Variants in ELAVL3 observed in about 807,000 individuals in gnomAD.
ELAVL3 encodes the protein ELAV-like protein 3.
In ELAVL3, 8 loss-of-function variants were observed where a neutral mutation model predicts 34.2. That is an observed-to-expected ratio of 0.23 (90% CI 0.14 to 0.42). The LOEUF is 0.42. Among genes scored for constraint, ELAVL3 ranks in the 10% least tolerant of loss-of-function variants. ELAVL3 has a pLI of 1.00. For synonymous variants in ELAVL3, 209 were observed against 222.1 expected (o/e 0.94, Z 0.53); for missense variants, 273 against 518.8 (o/e 0.53, Z 4.60).
At chr19:11,479,389 G>T (rs774841840) in intron 1 of ELAVL3, among the ~76,000 whole-genome samples, 3 of 152,044 alleles carry the variant, frequency 2.0e-5, no homozygotes, top group Non-Finnish European at 2.9e-5. Flanking sequence ...TGCTAGCCAC[G>T]ACTCGAAAAA....
At position 11,451,494 on chromosome 19, in the gene ELAVL3, C is replaced by CTTTTTTTTTTTTTTTTTTTT. The variant is rs950823031; in HGVS notation, c.*3012_*3031dup. ...TTTTTTTTTTTGTCTTTTGTTTTGT[C>CTTTTTTTTTTTTTTTTTTTT]TTTTTTTTTTTTTTTTTTTTTACAG... On this transcript the variant is annotated 3_prime_UTR_variant, in exon 7 of 7. Transcript: ENST00000359227. 1 of 65,532 alleles carries CTTTTTTTTTTTTTTTTTTTT rather than the reference C, an allele frequency of 1.5e-5. No individual in the cohort carries two copies. Among genetic ancestry groups the CTTTTTTTTTTTTTTTTTTTT allele is most frequent in the Non-Finnish European group, 3.0e-5 (1 of 33,100 alleles). 4.1% of individuals were successfully genotyped at this position (65,532 alleles called of 1,614,324 possible). A position where few individuals can be genotyped will look rare whatever the true frequency, so the allele number is the denominator to read the frequency against.
At chr19:11,456,164 G>T (rs1970764521) in intron 6 of ELAVL3, among the ~76,000 whole-genome samples, 1 of 151,822 alleles carries the variant, frequency 6.6e-6, no homozygotes, top group South Asian at 2.1e-4. Context: ...GGAGTGCAGT[G>T]GCACGATCTC....
At chr19:11,463,231 C>T (rs74755765) in intron 3 of ELAVL3, among the ~76,000 whole-genome samples, 2,481 of 152,282 alleles carry the variant, frequency 0.016, 64 homozygotes, top group African/African-American at 0.056. Context: ...TCCACCCACA[C>T]CCCACCCTGG....
Position 11,480,694 on chromosome 19 carries a change from G to A in ELAVL3, c.-86C>T. On this transcript the variant is annotated 5_prime_UTR_variant, in exon 1 of 7. Transcript: ENST00000359227. This position sits in a 1 kb window ranked among gnomAD's most constrained non-coding sequence, Gnocchi z 6.8. ...AGGGGGGCGCCCGATGCTCACGCTG[G>A]GGTCCCGCCCGGGCGGCCTCTGGTG... The A allele has an allele frequency of 7.8e-7, 1 of 1,289,258 alleles. No homozygotes were observed. 79.9% of individuals were successfully genotyped at this position (1,289,258 alleles called of 1,614,324 possible).
rs1418360304 is a variant in ELAVL3 at position 11,466,471 on chromosome 19, T to C, written c.229+137A>G. 3 of 1,094,882 alleles carry C rather than the reference T, an allele frequency of 2.7e-6. No homozygotes were observed. In the East Asian group the frequency reaches 7.2e-5, roughly 26 times the overall value. 67.8% of individuals were successfully genotyped at this position (1,094,882 alleles called of 1,614,324 possible). On this transcript the variant is annotated intron_variant, in intron 2 of 6. Coordinates refer to ENST00000359227, the MANE Select transcript of ELAVL3 (RefSeq NM_001420.4). This position sits in a 1 kb window ranked among gnomAD's most constrained non-coding sequence, Gnocchi z 5.0. ...CCTAGGGGGTATACCCATCTCCCCA[T>C]CAGACCTCACATCCCTAGACCACCT... is the stretch of plus-strand genomic sequence containing the variant.
chr19:11,464,171 T>A (rs928613256), intron 3 of ELAVL3, among the ~76,000 whole-genome samples: 7,035 of 116,820 alleles, frequency 0.06, 302 homozygotes, highest in African/African-American at 0.11. Context: ...ATATATATTT[T>A]TTTTTTTTTT....
Position 11,454,333 on chromosome 19 carries a change from C to T in ELAVL3, c.*193G>A, listed in dbSNP as rs1568376875. 3.5e-6 allele frequency: 2 copies of T among 577,090 alleles called. No individual in the cohort carries two copies. Among genetic ancestry groups the T allele is most frequent in the South Asian group, 2.4e-5 (1 of 41,644 alleles). 35.7% of individuals were successfully genotyped at this position (577,090 alleles called of 1,614,324 possible). ...GGATGGGGCGGGGGATCCCCGGGCACCCCCCCAATTCCCTGCAGACCCTCC... is the reference window on the plus strand; with the variant it reads ...GGATGGGGCGGGGGATCCCCGGGCATCCCCCCAATTCCCTGCAGACCCTCC... On this transcript the variant is annotated 3_prime_UTR_variant, in exon 7 of 7. Coordinates refer to ENST00000359227, the MANE Select transcript of ELAVL3 (RefSeq NM_001420.4). The surrounding 1 kb of genome is among the most constrained non-coding windows in gnomAD (Gnocchi z 9.2).
intron 1 of ELAVL3, among the ~76,000 whole-genome samples, chr19:11,468,471 A>G (rs1406240849): frequency 6.7e-6 from 1 of 148,832 alleles, no homozygotes; most frequent in Non-Finnish European, 1.5e-5. Flanking sequence ...CTGGGGTGCA[A>G]TGGCACGATC....
chr19:11,480,641 A>G lies in ELAVL3; in HGVS notation c.-33T>C. On this transcript the variant is annotated 5_prime_UTR_variant, in exon 1 of 7. Coordinates refer to ENST00000359227, the MANE Select transcript of ELAVL3 (RefSeq NM_001420.4). The surrounding 1 kb of genome is among the most constrained non-coding windows in gnomAD (Gnocchi z 6.8). ...TGCCCGGCGGGCGCGGTCCGTGTTG[A>G]GGGGGGCTCCGGGGGTGGTGCACTC... The G allele has an allele frequency of 7.0e-7, 1 of 1,423,926 alleles. No homozygotes were observed. The allele number at this position is 1,423,926 out of a possible 1,614,324, so 88.2% of individuals were successfully genotyped here.
chr19:11,477,755 T>A (rs1272403292), intron 1 of ELAVL3, among the ~76,000 whole-genome samples: 1 of 150,382 alleles, frequency 6.6e-6, no homozygotes, highest in Non-Finnish European at 1.5e-5. Flanking sequence ...TGCAATGGCA[T>A]GATCTTGGCT....
At position 11,466,194 on chromosome 19, in the gene ELAVL3, T is replaced by A. The variant is rs1391975232; in HGVS notation, c.311A>T (p.Lys104Ile). ...AACCTTGATGGTCTTCGTCTGTAAT[T>A]TGAGGCCGTTGAGGGTGTTGATGGC... is the stretch of plus-strand genomic sequence containing the variant. ...DKAINTLNGL[K>I]LQTKTIKVSY... is the part of the protein sequence containing the mutation. The change falls in exon 3 of 7, where the codon AAA (lysine) becomes ATA (isoleucine). Residue 104 changes from lysine (K) to isoleucine (I), a missense_variant. Physicochemically the swap from Lys to Ile is moderately radical, Grantham distance 102. Coordinates refer to ENST00000359227, the MANE Select transcript of ELAVL3 (RefSeq NM_001420.4). This position sits in a 1 kb window ranked among gnomAD's most constrained non-coding sequence, Gnocchi z 5.0. 1 of 1,613,668 alleles carries A rather than the reference T, an allele frequency of 6.2e-7. No individual in the cohort carries two copies. The highest frequency in any genetic ancestry group is 1.3e-5 in the African/African-American group (1 of 74,818).
intron 3 of ELAVL3, among the ~76,000 whole-genome samples, chr19:11,462,100 A>G (rs1228249880): frequency 2.7e-5 from 4 of 145,840 alleles, no homozygotes; most frequent in East Asian, 4.2e-4. Flanking sequence ...GCGTAAACCC[A>G]GGAGGCGGAG....
intron 6 of ELAVL3, among the ~76,000 whole-genome samples, chr19:11,456,133 T>C (rs1463880033): frequency 6.6e-6 from 1 of 151,812 alleles, no homozygotes; most frequent in Non-Finnish European, 1.5e-5. Context: ...TGAGACGGAA[T>C]CTCACTCTGT....
At chr19:11,470,403 C>T (rs1289402054) in intron 1 of ELAVL3, among the ~76,000 whole-genome samples, 5 of 151,114 alleles carry the variant, frequency 3.3e-5, no homozygotes, top group Admixed American at 6.6e-5. Context: ...TGGTGGCTCA[C>T]GCCCATAATC....
At position 11,467,314 on chromosome 19, in the gene ELAVL3, C is replaced by T. The variant is rs1377085300; in HGVS notation, c.10-487G>A. ...GCGCATGCCTGTAATCCCAGCTACT[C>T]GGGAGGCTGAGGCAGGAGAATTGCT... is the stretch of plus-strand genomic sequence containing the variant. On this transcript the variant is annotated intron_variant, in intron 1 of 6. Transcript: ENST00000359227. Among the ~76,000 whole-genome samples, 9 of 151,610 alleles carry T rather than the reference C, an allele frequency of 5.9e-5. No individual in the cohort carries two copies. In the East Asian group the frequency reaches 1.4e-3, roughly 23 times the overall value.
chr19:11,458,773 T>C lies in ELAVL3; in HGVS notation c.334-162A>G, dbSNP rs1476535629. On this transcript the variant is annotated intron_variant, in intron 3 of 6. Coordinates refer to ENST00000359227, the MANE Select transcript of ELAVL3 (RefSeq NM_001420.4). This position sits in a 1 kb window ranked among gnomAD's most constrained non-coding sequence, Gnocchi z 7.3. ...CACCGTGGGGTGGGGCTGAGTCAGA[T>C]ATGGGAGAGGGGACATGGCAGTGGC... 1.3e-5 allele frequency among the ~76,000 whole-genome samples: 2 copies of C among 151,886 alleles called. No individual in the cohort carries two copies. The highest frequency in any genetic ancestry group is 4.8e-5 in the African/African-American group (2 of 41,352).
At position 11,473,234 on chromosome 19, in the gene ELAVL3, G is replaced by A. The variant is rs180972547; in HGVS notation, c.10-6407C>T. Among the ~76,000 whole-genome samples the A allele has an allele frequency of 2.4e-3, 366 of 151,926 alleles. 3 individuals are homozygous for A. Among genetic ancestry groups the A allele is most frequent in the African/African-American group, 8.4e-3 (347 of 41,452 alleles). ...CAAAAAATTAGCCGGGCATGGTGGC[G>A]GGCGCCTGTAGTCCCAGCTACTCCG... On this transcript the variant is annotated intron_variant, in intron 1 of 6. Coordinates refer to ENST00000359227, the MANE Select transcript of ELAVL3 (RefSeq NM_001420.4).
intron 1 of ELAVL3, among the ~76,000 whole-genome samples, chr19:11,471,288 C>T (rs1971158201): frequency 6.8e-6 from 1 of 147,410 alleles, no homozygotes; most frequent in South Asian, 2.1e-4. Flanking sequence ...CCAGCCTGAG[C>T]AACAGAGTGA....
At position 11,452,248 on chromosome 19, in the gene ELAVL3, C is replaced by CTT; in HGVS notation, c.*2276_*2277dup. On this transcript the variant is annotated 3_prime_UTR_variant, in exon 7 of 7. Transcript: ENST00000359227. ...TATTACTTTAATGATTCCACTTCCC[C>CTT]TTTTATAAATAAATTAGGCATAACC... 6.6e-6 allele frequency: 1 copy of CTT among 152,294 alleles called. No individual in the cohort carries two copies. The highest frequency in any genetic ancestry group is 2.4e-5 in the African/African-American group (1 of 41,556). The allele number at this position is 152,294 out of a possible 1,614,324, so 9.4% of individuals were successfully genotyped here.
Sources: allele counts gnomAD v4.1 joint callset (sites outside exome capture counted in the v4.1 genomes callset), GRCh38; gene constraint gnomAD v4.1.1; non-coding constraint Gnocchi (gnomAD v3.1); transcripts MANE v1.5; gene names NCBI Gene and HGNC (gene_info 2026-07-23, HGNC 2026-07-21).